Variants in SLC36A3 observed in about 807,000 individuals in gnomAD.
SLC36A3 encodes the protein proton-coupled amino acid transporter 3.
Under a neutral mutation model 44.3 loss-of-function variants are expected in SLC36A3, and 35 were observed. That is an observed-to-expected ratio of 0.79 (90% CI 0.60 to 1.05). The LOEUF is 1.05. SLC36A3 is among the 50% of genes least tolerant of loss of function. The pLI, the probability that SLC36A3 is intolerant of heterozygous loss-of-function variation, is 0.00. For synonymous variants in SLC36A3, 211 were observed against 227.6 expected, an observed-to-expected ratio of 0.93 and a Z score of 0.66; for missense variants, 540 against 578.7, an observed-to-expected ratio of 0.93 and a Z score of 0.69.
rs759667088 is a variant in SLC36A3, at chr5:151,287,306, C to T, written c.648G>A (p.Ser216=). ...CAAGGGTGGTGATGTTGGCCAATGT[C>T]GAGAAGACGGACAGCACCTTGAGGT... is the stretch of plus-strand genomic sequence containing the variant. ...IQNLKVLSVF[S]TLANITTLGS... is the part of the protein sequence containing the mutation. Residue 216 remains serine (S), a synonymous_variant, in exon 6 of 10, where the codon TCG becomes TCA. Transcript: ENST00000335230. 3.1e-6 allele frequency: 5 copies of T among 1,614,088 alleles called. No individual in the cohort carries two copies. The Admixed American group carries it at 6.7e-5, about 22-fold the overall frequency.
Position 151,303,445 on chromosome 5 carries a change from GACCTGAGATGCTGGCTCCTA to G in SLC36A3, c.-111_-92del, listed in dbSNP as rs2127276577. The G allele has an allele frequency of 7.3e-7, 1 of 1,376,386 alleles. No homozygotes were observed. Among genetic ancestry groups the G allele is most frequent in the East Asian group, 2.4e-5 (1 of 42,066 alleles). 85.3% of individuals were successfully genotyped at this position (1,376,386 alleles called of 1,614,324 possible). A position where few individuals can be genotyped will look rare whatever the true frequency, so the allele number is the denominator to read the frequency against. ...TTTCTCCAGAGAAACCATGGCTGCTGACCTGAGATGCTGGCTCCTAACCCCAAGGATGCGTGCTGCTGGCT... is the reference window on the plus strand; with the variant it reads ...TTTCTCCAGAGAAACCATGGCTGCTGACCCCAAGGATGCGTGCTGCTGGCT... On this transcript the variant is annotated 5_prime_UTR_variant, in exon 1 of 10. An upstream open reading frame in the 5' UTR loses its in-frame stop. Coordinates refer to ENST00000335230, the MANE Select transcript of SLC36A3 (RefSeq NM_181774.4).
chr5:151,280,480 C>A (rs1276594529), intron 9 of SLC36A3, among the ~76,000 whole-genome samples: 1 of 152,118 alleles, frequency 6.6e-6, no homozygotes, highest in Non-Finnish European at 1.5e-5. Context: ...AAATAATCTC[C>A]AAGACTGACA....
At chr5:151,296,360 A>G in intron 2 of SLC36A3, 92 bp from the exon 3 acceptor site, 2 of 1,066,406 alleles carry the variant, frequency 1.9e-6, no homozygotes, top group Non-Finnish European at 1.4e-6. Flanking sequence ...GGCCTGTTGC[A>G]TAATAAAACT....
At chr5:151,298,479 A>G (rs1755036305) in intron 2 of SLC36A3, 114 bp downstream of exon 2, 15 of 1,009,728 alleles carry the variant, frequency 1.5e-5, no homozygotes, top group Middle Eastern at 2.1e-4. Context: ...CACATTTTCA[A>G]TTGCAGAGGG....
rs183965774 is a variant in SLC36A3 at position 151,281,587 on chromosome 5, G to A, written c.975-404C>T. Among the ~76,000 whole-genome samples the A allele has an allele frequency of 4.6e-5, 7 of 152,268 alleles. No individual in the cohort carries two copies. In the East Asian group the frequency reaches 5.8e-4, roughly 13 times the overall value. The stretch of plus-strand genomic sequence containing the variant: ...AATCGCAGCAGTTTGAGAGGCCGAG[G>A]CGAGTGGATCACCTGAGGTCAGGAG... On this transcript the variant is annotated intron_variant, in intron 8 of 9. Coordinates refer to ENST00000335230, the MANE Select transcript of SLC36A3 (RefSeq NM_181774.4).
At chr5:151,279,052 C>T (rs17729018) in intron 9 of SLC36A3, among the ~76,000 whole-genome samples, 12,545 of 152,264 alleles carry the variant, frequency 0.082, 695 homozygotes, top group East Asian at 0.22. Context: ...GCACTCTCCA[C>T]TTCTCCAAAG....
intron 2 of SLC36A3, 71 bp downstream of exon 2, chr5:151,298,522 A>C (rs754116539): frequency 6.9e-5 from 100 of 1,459,154 alleles, no homozygotes; most frequent in Non-Finnish European, 7.9e-5. Flanking sequence ...AACAGTGTGA[A>C]GGCCTTCAGG....
intron 4 of SLC36A3, among the ~76,000 whole-genome samples, chr5:151,292,991 C>A (rs191419863): frequency 7.2e-5 from 11 of 151,890 alleles, no homozygotes; most frequent in African/African-American, 1.9e-4. Context: ...TCCCTCCCCC[C>A]CCAAAAATGA....
At chr5:151,303,097 A>T (rs1371732111) in intron 1 of SLC36A3, 130 bp downstream of exon 1, 3 of 1,189,942 alleles carry the variant, frequency 2.5e-6, no homozygotes, top group Non-Finnish European at 3.4e-6. Flanking sequence ...TGAAGGTTTC[A>T]TCTTTTATCC....
At chr5:151,290,758 G>A (rs1234247639) in intron 4 of SLC36A3, among the ~76,000 whole-genome samples, 1 of 152,050 alleles carries the variant, frequency 6.6e-6, no homozygotes, top group Non-Finnish European at 1.5e-5. Context: ...AGCCGGGCAT[G>A]GTGGCGGGCG....
intron 4 of SLC36A3, among the ~76,000 whole-genome samples, chr5:151,291,402 T>C (rs181395592): frequency 2.3e-4 from 35 of 152,360 alleles, no homozygotes; most frequent in Non-Finnish European, 4.3e-4. Context: ...GTTAAGTCTC[T>C]TAAGTTTTTT....
chr5:151,296,342 C>A, intron 2 of SLC36A3, 74 bp from the exon 3 acceptor site: 3 of 1,269,282 alleles, frequency 2.4e-6, no homozygotes, highest in Non-Finnish European at 3.4e-6. Flanking sequence ...TCACAGTCTG[C>A]GTGCTGGGGC....
In SLC36A3 at chr5:151,295,008, T is replaced by C. The variant is rs80154812; in HGVS notation, c.308+1172A>G. Reference sequence around the variant, plus strand: ...AACATAACTGAAGGCCATAGCCAACTCTCAGGCCATCACTCTGCAACCTCT... The same window carrying C: ...AACATAACTGAAGGCCATAGCCAACCCTCAGGCCATCACTCTGCAACCTCT... On this transcript the variant is annotated intron_variant, in intron 3 of 9. Coordinates refer to ENST00000335230, the MANE Select transcript of SLC36A3 (RefSeq NM_181774.4). 5.2e-3 allele frequency among the ~76,000 whole-genome samples: 791 copies of C among 151,516 alleles called. 31 individuals carry two copies. In the East Asian group the frequency reaches 0.078, roughly 15 times the overall value.
chr5:151,298,419 G>A (rs142516367), intron 2 of SLC36A3, among the ~76,000 whole-genome samples, 174 bp downstream of exon 2: 129 of 152,256 alleles, frequency 8.5e-4, no homozygotes, highest in African/African-American at 3.0e-3. Flanking sequence ...CCCCCTTCAG[G>A]GATGCTCAGG....
chr5:151,287,503 G>A lies in SLC36A3; in HGVS notation c.490-39C>T, dbSNP rs549917667. On this transcript the variant is annotated intron_variant, in intron 5 of 9. Coordinates refer to ENST00000335230, the MANE Select transcript of SLC36A3 (RefSeq NM_181774.4). ...CAATGACAGGCAGTGTGGTTGCTAC[G>A]TAAAACACAGGACACCAATTACATT... The A allele has an allele frequency of 6.3e-5, 99 of 1,577,702 alleles. No individual in the cohort carries two copies. The East Asian group carries it at 7.6e-4, about 12-fold the overall frequency.
intron 1 of SLC36A3, 83 bp from the exon 2 acceptor site, chr5:151,298,766 T>A: frequency 7.1e-7 from 1 of 1,417,740 alleles, no homozygotes; most frequent in Non-Finnish European, 9.9e-7. Context: ...TTCTGGCATC[T>A]CCAGAGCGCC....
At chr5:151,285,262 G>C (rs988521109) in intron 6 of SLC36A3, among the ~76,000 whole-genome samples, 1 of 152,154 alleles carries the variant, frequency 6.6e-6, no homozygotes, top group Non-Finnish European at 1.5e-5. Flanking sequence ...TCTATATATA[G>C]ACACCAAATC....
Position 151,301,685 on chromosome 5 carries a change from C to T in SLC36A3, c.128+1542G>A, listed in dbSNP as rs186227174. 7.4e-3 allele frequency among the ~76,000 whole-genome samples: 1,114 copies of T among 150,240 alleles called. 12 individuals are homozygous for T. The highest frequency in any genetic ancestry group is 0.026 in the African/African-American group (1,061 of 40,754). On this transcript the variant is annotated intron_variant, in intron 1 of 9. Coordinates refer to ENST00000335230, the MANE Select transcript of SLC36A3 (RefSeq NM_181774.4). ...TCTCGAGCTTGCAGTGAGCTGAGAT[C>T]GCGCCACTGCACTCCAGCCTGGGCG... is the stretch of plus-strand genomic sequence containing the variant.
Position 151,303,363 on chromosome 5 carries a change from C to T in SLC36A3, c.-9G>A, listed in dbSNP as rs201664598. On this transcript the variant is annotated 5_prime_UTR_variant, in exon 1 of 10. It adds an upstream start codon to the 5' untranslated region. Coordinates refer to ENST00000335230, the MANE Select transcript of SLC36A3 (RefSeq NM_181774.4). ...CTTCCAAGCAATGACATCTTCAACA[C>T]GGTGGGTAGGTGGCAGAGGCTCAGG... 1.2e-5 allele frequency: 20 copies of T among 1,611,210 alleles called. No homozygotes were observed. The highest frequency in any genetic ancestry group is 1.1e-4 in the East Asian group (5 of 44,802).
Sources: gnomAD v4.1 joint callset for allele counts (sites outside exome capture counted in the v4.1 genomes callset) on GRCh38, gnomAD v4.1.1 for gene constraint, MANE v1.5 for transcripts, NCBI Gene and HGNC (gene_info 2026-07-23, HGNC 2026-07-21) for gene names.